KLHL8: variants seen among roughly 807,000 people sequenced by gnomAD.
KLHL8 encodes kelch like family member 8.
In KLHL8, 38 loss-of-function variants were observed where a neutral mutation model predicts 63.5. That is an observed-to-expected ratio of 0.60 (90% confidence interval 0.46 to 0.78). The LOEUF is 0.78. Ranked by LOEUF, KLHL8 falls within the 30% of genes least tolerant of loss-of-function variation. KLHL8 has a pLI of 0.00. For synonymous variants in KLHL8, 224 were observed against 254.3 expected (o/e 0.88, Z 1.13); for missense variants, 566 against 752.4 (o/e 0.75, Z 2.90).
intron 1 of KLHL8, among the ~76,000 whole-genome samples, chr4:87,196,194 T>A (rs967977881): frequency 1.3e-5 from 2 of 151,538 alleles, no homozygotes; most frequent in East Asian, 3.9e-4. Flanking sequence ...CTATAGATGA[T>A]AGGTAAAGTT....
At chr4:87,180,628 G>C (rs1215276310) in intron 4 of KLHL8, among the ~76,000 whole-genome samples, 1 of 152,156 alleles carries the variant, frequency 6.6e-6, no homozygotes, top group Non-Finnish European at 1.5e-5. Context: ...GTTTAACCCA[G>C]AGCCTTTCAC....
intron 8 of KLHL8, among the ~76,000 whole-genome samples, chr4:87,169,516 TACATGTTTTAA>T (rs561231838): frequency 7.9e-4 from 121 of 152,308 alleles, no homozygotes; most frequent in African/African-American, 2.7e-3. Flanking sequence ...AATAAGGCTG[TACATGTTTTAA>T]ACATGAAAGA....
At position 87,170,574 on chromosome 4, in the gene KLHL8, G is replaced by T. The variant is rs1309925843; in HGVS notation, c.1250C>A (p.Ala417Glu). Reference protein sequence around the residue: ...ALASLGGPIYAIGGLDDNTCF... With the variant: ...ALASLGGPIYEIGGLDDNTCF... ...AGTATTGTCATCTAACCCTCCAATT[G>T]CATAAATTGGGCCTCCTAAGGAAGC... Residue 417 changes from alanine to glutamate, a missense_variant, in exon 7 of 10, where the codon GCA (alanine) becomes GAA (glutamate). Coordinates refer to ENST00000273963, the MANE Select transcript of KLHL8 (RefSeq NM_020803.5). 6.2e-7 allele frequency: 1 copy of T among 1,613,318 alleles called. No homozygotes were observed. Among genetic ancestry groups the T allele is most frequent in the Non-Finnish European group, 8.5e-7 (1 of 1,179,654 alleles).
intron 1 of KLHL8, among the ~76,000 whole-genome samples, chr4:87,206,756 T>G (rs1251033481): frequency 2.6e-5 from 4 of 152,262 alleles, no homozygotes; most frequent in Non-Finnish European, 5.9e-5. Context: ...ATAATTCCTT[T>G]TTATGAATTA....
chr4:87,227,858 A>G (rs1733062655), intron 1 of KLHL8, among the ~76,000 whole-genome samples: 1 of 152,170 alleles, frequency 6.6e-6, no homozygotes, highest in Admixed American at 6.5e-5. Flanking sequence ...CTGATTTAAG[A>G]GCATACAGAG....
intron 1 of KLHL8, among the ~76,000 whole-genome samples, chr4:87,237,111 C>T (rs1181799390): frequency 6.6e-6 from 1 of 152,146 alleles, no homozygotes; most frequent in Non-Finnish European, 1.5e-5. Flanking sequence ...GCCATGTTCC[C>T]AGATGAACAC....
chr4:87,188,951 G>C (rs1731365060), intron 2 of KLHL8, among the ~76,000 whole-genome samples: 1 of 152,294 alleles, frequency 6.6e-6, no homozygotes, highest in Middle Eastern at 3.4e-3. Flanking sequence ...ATTCAAGATA[G>C]TATTACGAAA....
chr4:87,215,484 A>G (rs914334763), intron 1 of KLHL8, among the ~76,000 whole-genome samples: 4 of 152,208 alleles, frequency 2.6e-5, no homozygotes, highest in Admixed American at 6.5e-5. Flanking sequence ...GAAAATATTA[A>G]TATCAAAGGA....
chr4:87,184,155 G>C (rs542248888), intron 3 of KLHL8, among the ~76,000 whole-genome samples: 1 of 152,212 alleles, frequency 6.6e-6, no homozygotes, highest in East Asian at 1.9e-4. Flanking sequence ...CCATCTTAAA[G>C]AAAAACACAT....
In KLHL8 at chr4:87,161,403, A is replaced by G. The variant is rs1021508084; in HGVS notation, c.*2116T>C. The G allele has an allele frequency of 6.6e-6, 1 of 151,932 alleles. No homozygotes were observed. The allele number at this position is 151,932 out of a possible 1,614,324, so 9.4% of individuals were successfully genotyped here. ...AGGCTATGCTTCTGATTGCCCACAC[A>G]CTTTACTTCTGAGTATTTCATATTT... On this transcript the variant is annotated 3_prime_UTR_variant, in exon 10 of 10. Transcript: ENST00000273963.
chr4:87,173,783 A>G (rs752394613), intron 6 of KLHL8, among the ~76,000 whole-genome samples: 7 of 152,196 alleles, frequency 4.6e-5, no homozygotes, highest in Non-Finnish European at 8.8e-5. Context: ...TTAAAAAAGT[A>G]CTTTGGGATT....
At chr4:87,175,602 T>C (rs1016663876) in intron 6 of KLHL8, among the ~76,000 whole-genome samples, 2 of 152,222 alleles carry the variant, frequency 1.3e-5, no homozygotes, top group African/African-American at 4.8e-5. Context: ...CATGCCTTAG[T>C]GATCTTTCCA....
intron 8 of KLHL8, among the ~76,000 whole-genome samples, chr4:87,164,999 A>G (rs1194800754): frequency 6.6e-6 from 1 of 151,566 alleles, no homozygotes; most frequent in Non-Finnish European, 1.5e-5. Context: ...ATACAAAAAA[A>G]TTAGCTGGGC....
chr4:87,164,167 T>C, intron 8 of KLHL8, 88 bp from the exon 9 acceptor site: 1 of 1,203,070 alleles, frequency 8.3e-7, no homozygotes, highest in Non-Finnish European at 1.2e-6. Context: ...CAACCCAATC[T>C]TTTAAAATCA....
At chr4:87,205,017 C>T (rs1378544713) in intron 1 of KLHL8, among the ~76,000 whole-genome samples, 1 of 152,072 alleles carries the variant, frequency 6.6e-6, no homozygotes, top group Admixed American at 6.5e-5. Context: ...AAGATTGTTG[C>T]ATTCCAACAT....
chr4:87,220,626 G>C (rs1732806629), upstream of KLHL8: 1 of 152,046 alleles, frequency 6.6e-6, no homozygotes, highest in South Asian at 2.1e-4. Context: ...TCTGGGGGCG[G>C]GGCGGGCTGG....
chr4:87,167,510 G>A (rs1321530517), intron 8 of KLHL8: 6 of 540,032 alleles, frequency 1.1e-5, no homozygotes, highest in South Asian at 2.9e-5. Flanking sequence ...TTACCAATGC[G>A]GTTGTGTCCT....
At chr4:87,226,568 GCTCTCT>G in intron 1 of KLHL8, among the ~76,000 whole-genome samples, 1 of 92,468 alleles carries the variant, frequency 1.1e-5, no homozygotes, top group African/African-American at 4.7e-5. Context: ...TCTCTCTCTC[GCTCTCT>G]CTCTCTCTCT....
intron 1 of KLHL8, among the ~76,000 whole-genome samples, chr4:87,196,680 G>A (rs1284900467): frequency 6.6e-6 from 1 of 152,142 alleles, no homozygotes; most frequent in Non-Finnish European, 1.5e-5. Flanking sequence ...CATATTTGAT[G>A]AATATCCACA....
Sources: gnomAD v4.1 joint callset for allele counts (sites outside exome capture counted in the v4.1 genomes callset) on GRCh38, gnomAD v4.1.1 for gene constraint, MANE v1.5 for transcripts, NCBI Gene and HGNC (gene_info 2026-07-23, HGNC 2026-07-21) for gene names.